Variants in LARGE1 observed in about 807,000 individuals in gnomAD.
The protein encoded by LARGE1 is LARGE xylosyl- and glucuronyltransferase 1.
A neutral mutation model predicts 87.6 loss-of-function variants in LARGE1; 43 were observed. The ratio of observed to expected loss-of-function variants is 0.49; its 90% CI spans 0.38 to 0.63. LARGE1 has a LOEUF of 0.63. Among genes scored for constraint, LARGE1 ranks in the 30% least tolerant of loss-of-function variants. The pLI, the probability that LARGE1 is intolerant of heterozygous loss-of-function variation, is 0.00. For missense variants in LARGE1, 802 were observed against 1,000.2 expected (o/e 0.80, Z 2.67); for synonymous variants, 434 against 394.6 (o/e 1.10, Z -1.18).
chr22:33,734,283 T>G (rs2083573237), intron 2 of LARGE1, among the ~76,000 whole-genome samples: 1 of 152,166 alleles, frequency 6.6e-6, no homozygotes. Context: ...TTCAACATCT[T>G]TTGTGGGAGA....
At chr22:33,862,453 G>C (rs1019651529) in intron 1 of LARGE1, among the ~76,000 whole-genome samples, 1 of 152,136 alleles carries the variant, frequency 6.6e-6, no homozygotes, top group African/African-American at 2.4e-5. Context: ...TGAGCAAAGA[G>C]GCTCCTGGCC....
chr22:33,498,562 TATCTTTCC>T (rs1439988858), intron 6 of LARGE1, among the ~76,000 whole-genome samples: 1 of 152,228 alleles, frequency 6.6e-6, no homozygotes, highest in Non-Finnish European at 1.5e-5. Context: ...AGGGTTGGCA[TATCTTTCC>T]CTTTCAGAGC....
At chr22:33,921,967 C>T (rs867280576), upstream of LARGE1, among the ~76,000 whole-genome samples, 1 of 152,066 alleles carries the variant, frequency 6.6e-6, no homozygotes, top group Non-Finnish European at 1.5e-5. This position sits in a 1 kb window ranked among gnomAD's most constrained non-coding sequence, Gnocchi z 4.1. Flanking sequence ...GAGAGCTGCA[C>T]AACTCGGACT....
rs2078583269 is a variant in LARGE1 at position 33,583,609 on chromosome 22, C to T, written c.616-18590G>A. On this transcript the variant is annotated intron_variant, in intron 5 of 14. Coordinates refer to ENST00000397394, the MANE Select transcript of LARGE1 (RefSeq NM_133642.5). ...TTAACAACGCCTATCCCATTCAGCT[C>T]CATCTTCTGCCCCTGAGCCCACTGA... Among the ~76,000 whole-genome samples, 4 of 152,340 alleles carry T rather than the reference C, an allele frequency of 2.6e-5. No individual in the cohort carries two copies. The South Asian group carries it at 8.3e-4, about 32-fold the overall frequency.
chr22:33,317,106 C>T (rs914192870), intron 10 of LARGE1, among the ~76,000 whole-genome samples: 1 of 152,036 alleles, frequency 6.6e-6, no homozygotes, highest in African/African-American at 2.4e-5. Context: ...CCCACCTACT[C>T]AGGAGGCTGA....
At chr22:33,277,289 G>A in intron 13 of LARGE1, 34 bp from the exon 14 acceptor site, 1 of 1,604,252 alleles carries the variant, frequency 6.2e-7, no homozygotes, top group Non-Finnish European at 8.5e-7. Flanking sequence ...TTGGGTGTAG[G>A]GAAGGAAGCC....
chr22:33,521,553 T>C (rs141997091), intron 6 of LARGE1, among the ~76,000 whole-genome samples: 7 of 152,256 alleles, frequency 4.6e-5, no homozygotes, highest in East Asian at 1.9e-4. Context: ...TACCATTACA[T>C]TGGTCAAAAC....
At chr22:33,535,384 A>T (rs2077012259) in intron 6 of LARGE1, among the ~76,000 whole-genome samples, 1 of 152,090 alleles carries the variant, frequency 6.6e-6, no homozygotes, top group Non-Finnish European at 1.5e-5. Context: ...CTCTACTAAA[A>T]ATACGAAAAT....
intron 2 of LARGE1, among the ~76,000 whole-genome samples, chr22:33,687,070 A>G (rs2081966843): frequency 6.6e-6 from 1 of 151,360 alleles, no homozygotes; most frequent in Non-Finnish European, 1.5e-5. Context: ...CTTGGGGATC[A>G]CTGCACTGGC....
At chr22:33,428,704 T>C (rs2066968377) in intron 7 of LARGE1, among the ~76,000 whole-genome samples, 3 of 136,514 alleles carry the variant, frequency 2.2e-5, no homozygotes, top group South Asian at 2.3e-4. Context: ...GGGTGGATCA[T>C]GAGGTCAGGA....
intron 2 of LARGE1, among the ~76,000 whole-genome samples, chr22:33,748,749 C>A (rs2084198157): frequency 6.6e-6 from 1 of 152,212 alleles, no homozygotes; most frequent in Non-Finnish European, 1.5e-5. Flanking sequence ...CACTACAGGT[C>A]ATTTTGATGA....
At position 33,331,242 on chromosome 22, in the gene LARGE1, G is replaced by A. The variant is rs76142119; in HGVS notation, c.1287+6404C>T. ...GTAAACCCAAGGCTCAGAGCATTTA[G>A]GTGACTTCTCTGAGGTCATGTGTCT... On this transcript the variant is annotated intron_variant, in intron 10 of 14. Coordinates refer to ENST00000397394, the MANE Select transcript of LARGE1 (RefSeq NM_133642.5). Among the ~76,000 whole-genome samples, 1,099 of 152,168 alleles carry A rather than the reference G, an allele frequency of 7.2e-3. 17 individuals carry two copies. The highest frequency in any genetic ancestry group is 0.025 in the African/African-American group (1,058 of 41,514).
chr22:33,835,832 C>A (rs1470799077), intron 1 of LARGE1, among the ~76,000 whole-genome samples: 1 of 152,190 alleles, frequency 6.6e-6, no homozygotes, highest in Non-Finnish European at 1.5e-5. Flanking sequence ...GCGTTAACTA[C>A]CAGAATGAGC....
At chr22:33,204,886 C>A (rs1023849222) in intron 11 of LARGE1, among the ~76,000 whole-genome samples, 1 of 152,120 alleles carries the variant, frequency 6.6e-6, no homozygotes, top group Admixed American at 6.5e-5. Flanking sequence ...CTGAAAGCAA[C>A]ACCAAGGAGG....
At chr22:33,437,915 TAAGTGGG>T (rs1222548742) in intron 6 of LARGE1, among the ~76,000 whole-genome samples, 2 of 150,764 alleles carry the variant, frequency 1.3e-5, no homozygotes, top group African/African-American at 4.9e-5. Flanking sequence ...TCTGTGGGGG[TAAGTGGG>T]TGATACCTGC....
chr22:33,761,236 T>A (rs143656087), intron 2 of LARGE1, 135 bp downstream of exon 2: 1 of 829,522 alleles, frequency 1.2e-6, no homozygotes, highest in African/African-American at 1.7e-5. Context: ...ACCTGTGTGA[T>A]TCTAGACAAG....
Position 33,273,524 on chromosome 22 carries a change from A to T in LARGE1, c.*903T>A. ...TTCCCATGAATCAGTCACTGCCAAT[A>T]GAAAATGTGACCGGTGTAAAACAGC... On this transcript the variant is annotated 3_prime_UTR_variant, in exon 15 of 15. Coordinates refer to ENST00000397394, the MANE Select transcript of LARGE1 (RefSeq NM_133642.5). 2.5e-6 allele frequency: 1 copy of T among 398,804 alleles called. No individual in the cohort carries two copies. Among genetic ancestry groups the T allele is most frequent in the Non-Finnish European group, 4.4e-6 (1 of 226,174 alleles). 24.7% of individuals were successfully genotyped at this position (398,804 alleles called of 1,614,324 possible).
intron 1 of LARGE1, among the ~76,000 whole-genome samples, chr22:33,763,659 G>T (rs2084805866): frequency 6.6e-6 from 1 of 152,060 alleles, no homozygotes; most frequent in African/African-American, 2.4e-5. Flanking sequence ...CAAGTCCCCT[G>T]TCTCTGGATA....
At chr22:33,371,360 C>A (rs1213414758) in intron 9 of LARGE1, among the ~76,000 whole-genome samples, 1 of 152,094 alleles carries the variant, frequency 6.6e-6, no homozygotes, top group Non-Finnish European at 1.5e-5. Context: ...ACATTTTTGG[C>A]TGGGTTTTGT....
Sources: allele counts gnomAD v4.1 joint callset (sites outside exome capture counted in the v4.1 genomes callset), GRCh38; gene constraint gnomAD v4.1.1; non-coding constraint Gnocchi (gnomAD v3.1); transcripts MANE v1.5; gene names NCBI Gene and HGNC (gene_info 2026-07-23, HGNC 2026-07-21).